Variants in PLPPR1 observed in about 807,000 individuals in gnomAD.
PLPPR1 encodes phospholipid phosphatase related 1.
Under a neutral mutation model 33.1 loss-of-function variants are expected in PLPPR1, and 10 were observed. That is an observed-to-expected ratio of 0.30 (90% CI 0.19 to 0.51). The LOEUF (loss-of-function observed/expected upper bound fraction) is 0.51, where lower values mean the gene tolerates loss of function less well. Ranked by LOEUF, PLPPR1 falls within the 20% of genes least tolerant of loss-of-function variation. The pLI is 0.97. For missense variants in PLPPR1, 304 were observed against 408.1 expected (o/e 0.74, Z 2.20); for synonymous variants, 151 against 151.0 (o/e 1.00, Z 0.00).
intron 2 of PLPPR1, among the ~76,000 whole-genome samples, chr9:101,245,293 C>T (rs1411461042): frequency 8.6e-5 from 13 of 151,928 alleles, no homozygotes; most frequent in African/African-American, 1.7e-4. Flanking sequence ...ACTTCAGCTA[C>T]GTGCAAGAAT....
intron 1 of PLPPR1, among the ~76,000 whole-genome samples, chr9:101,174,613 C>T (rs1363294282): frequency 1.3e-5 from 2 of 152,138 alleles, no homozygotes; most frequent in Admixed American, 6.6e-5. Flanking sequence ...TCACCATGCT[C>T]CATCATCATC....
intron 1 of PLPPR1, among the ~76,000 whole-genome samples, chr9:101,039,542 C>T (rs1830050814): frequency 6.6e-6 from 1 of 152,190 alleles, no homozygotes; most frequent in South Asian, 2.1e-4. Context: ...CTCTTCTTAC[C>T]TTCTGTATTA....
intron 2 of PLPPR1, among the ~76,000 whole-genome samples, chr9:101,265,434 T>A (rs1436189576): frequency 6.6e-6 from 1 of 152,030 alleles, no homozygotes; most frequent in Non-Finnish European, 1.5e-5. Context: ...CATCTGCTCA[T>A]GTGACACCAA....
intron 1 of PLPPR1, among the ~76,000 whole-genome samples, chr9:101,141,777 A>G (rs1831453911): frequency 6.6e-6 from 1 of 152,052 alleles, no homozygotes; most frequent in South Asian, 2.1e-4. Context: ...GAAAACACAC[A>G]TCTTTACCTG....
At chr9:101,277,570 C>T (rs568944360) in intron 3 of PLPPR1, among the ~76,000 whole-genome samples, 6 of 152,272 alleles carry the variant, frequency 3.9e-5, no homozygotes, top group South Asian at 2.1e-4. Context: ...TTTCCCTTAA[C>T]GAGCCCTCTC....
intron 1 of PLPPR1, among the ~76,000 whole-genome samples, chr9:101,038,291 T>C (rs998688730): frequency 3.3e-5 from 5 of 152,202 alleles, no homozygotes; most frequent in Admixed American, 2.6e-4. Flanking sequence ...TAGAGCTCAG[T>C]TGATATATCT....
At chr9:101,268,321 T>C (rs370183496) in intron 2 of PLPPR1, among the ~76,000 whole-genome samples, 1 of 151,866 alleles carries the variant, frequency 6.6e-6, no homozygotes, top group African/African-American at 2.4e-5. Context: ...AATCTGCTAC[T>C]GTATGGAAGA....
rs144675515 is a variant in PLPPR1, at chr9:101,039,385, A to G, written c.-46+10283A>G. 1.1e-3 allele frequency among the ~76,000 whole-genome samples: 166 copies of G among 152,312 alleles called. 3 individuals carry two copies. In the East Asian group the frequency reaches 0.029, roughly 27 times the overall value. On this transcript the variant is annotated intron_variant, in intron 1 of 7. Transcript: ENST00000374874. ...ATAAATAAATTACTTGCCTGAACAC[A>G]GAGTCCACAACATGACCAATGAAAC... is the stretch of plus-strand genomic sequence containing the variant.
chr9:101,258,898 A>G (rs1200395656), intron 2 of PLPPR1, among the ~76,000 whole-genome samples: 1 of 152,168 alleles, frequency 6.6e-6, no homozygotes, highest in East Asian at 1.9e-4. Flanking sequence ...TTTCTCTGAT[A>G]TTAGCTATGC....
At chr9:101,157,104 C>T (rs1408493321) in intron 1 of PLPPR1, among the ~76,000 whole-genome samples, 3 of 152,158 alleles carry the variant, frequency 2.0e-5, no homozygotes, top group Non-Finnish European at 4.4e-5. Flanking sequence ...ATTATAATGA[C>T]CTATTTCAAT....
intron 2 of PLPPR1, among the ~76,000 whole-genome samples, chr9:101,261,590 T>G (rs1224659816): frequency 1.3e-5 from 2 of 152,126 alleles, no homozygotes; most frequent in African/African-American, 4.8e-5. Flanking sequence ...TGTCATGGAA[T>G]CAACCTAAAT....
At chr9:101,102,926 T>C (rs1302120857) in intron 1 of PLPPR1, among the ~76,000 whole-genome samples, 1 of 49,032 alleles carries the variant, frequency 2.0e-5, no homozygotes, top group Non-Finnish European at 3.8e-5. Flanking sequence ...ATGTGTTTTT[T>C]GGCTGCATAA....
rs1344010143 is a variant in PLPPR1, at chr9:101,318,167, CTAAA to C, written c.945+685_945+688del. On this transcript the variant is annotated intron_variant, in intron 7 of 7. Transcript: ENST00000374874. ...GCAATGTAACAAGTCACCATCTTTA[CTAAA>C]TAAATAAATAAATCACAGATGATCA... is the stretch of plus-strand genomic sequence containing the variant. Among the ~76,000 whole-genome samples, 12 of 151,908 alleles carry C rather than the reference CTAAA, an allele frequency of 7.9e-5. No individual in the cohort carries two copies. The South Asian group carries it at 1.0e-3, about 13-fold the overall frequency.
At chr9:101,140,390 A>G (rs1831434720) in intron 1 of PLPPR1, among the ~76,000 whole-genome samples, 1 of 146,816 alleles carries the variant, frequency 6.8e-6, no homozygotes, top group South Asian at 2.2e-4. Flanking sequence ...GGTATTTGAA[A>G]AGCCAGCAAG....
At position 101,146,126 on chromosome 9, in the gene PLPPR1, T is replaced by G. The variant is rs562912048; in HGVS notation, c.-45-39324T>G. Among the ~76,000 whole-genome samples, 8 of 152,310 alleles carry G rather than the reference T, an allele frequency of 5.3e-5. No individual in the cohort carries two copies. In the South Asian group the frequency reaches 1.7e-3, roughly 32 times the overall value. ...TCTGTCTCCCATAGTGCTTCATATC[T>G]CTTGGCATTTCTCATAGTGTAGCAT... On this transcript the variant is annotated intron_variant, in intron 1 of 7. Transcript: ENST00000374874.
chr9:101,235,755 A>G (rs1827287165), intron 2 of PLPPR1, among the ~76,000 whole-genome samples: 1 of 151,778 alleles, frequency 6.6e-6, no homozygotes, highest in African/African-American at 2.4e-5. Flanking sequence ...CCTCTCACTT[A>G]CAGGCACAGT....
intron 2 of PLPPR1, among the ~76,000 whole-genome samples, chr9:101,267,227 T>C (rs1186418384): frequency 6.6e-6 from 1 of 152,208 alleles, no homozygotes; most frequent in East Asian, 1.9e-4. Context: ...ACTTAACAAG[T>C]CAAGCATAAA....
chr9:101,031,703 T>C (rs1437945331), intron 1 of PLPPR1, among the ~76,000 whole-genome samples: 2 of 152,224 alleles, frequency 1.3e-5, no homozygotes, highest in Non-Finnish European at 2.9e-5. Flanking sequence ...TGAAAGTGAT[T>C]TTTTCCTTTC....
At chr9:101,197,456 A>G (rs1826418494) in intron 2 of PLPPR1, among the ~76,000 whole-genome samples, 4 of 152,172 alleles carry the variant, frequency 2.6e-5, no homozygotes. Flanking sequence ...TATGCAGATT[A>G]ATTCATAAAA....
Sources: allele counts gnomAD v4.1 joint callset (sites outside exome capture counted in the v4.1 genomes callset), GRCh38; gene constraint gnomAD v4.1.1; transcripts MANE v1.5; gene names NCBI Gene and HGNC (gene_info 2026-07-23, HGNC 2026-07-21).